FAM149A: variants seen among roughly 807,000 people sequenced by gnomAD.
The protein encoded by FAM149A is protein FAM149A.
A neutral mutation model predicts 78.2 loss-of-function variants in FAM149A; 71 were observed. That is an observed-to-expected ratio of 0.91 (90% CI 0.75 to 1.11). The LOEUF is 1.11. Ranked by LOEUF, FAM149A falls within the 50% of genes least tolerant of loss-of-function variation. The pLI, the probability that FAM149A is intolerant of heterozygous loss-of-function variation, is 0.00. For synonymous variants in FAM149A, 446 were observed against 410.5 expected (o/e 1.09, Z -1.04); for missense variants, 1,036 against 971.0 (o/e 1.07, Z -0.89).
At position 186,133,049 on chromosome 4, in the gene FAM149A, TA is replaced by T. The variant is rs943870137; in HGVS notation, c.567-16121del. On this transcript the variant is annotated intron_variant, in intron 1 of 13. Coordinates refer to ENST00000389354, the MANE Select transcript of FAM149A (RefSeq NM_001367768.3). Reference sequence around the variant, plus strand: ...ACTCAGCACTGCTTAGGAATGTGAGTAAAGGCTTCTGACTCAACACTGCCCC... The same window carrying T: ...ACTCAGCACTGCTTAGGAATGTGAGTAAGGCTTCTGACTCAACACTGCCCC... 8 of 985,198 alleles carry T rather than the reference TA, an allele frequency of 8.1e-6. No homozygotes were observed. In the African/African-American group the frequency reaches 1.4e-4, roughly 17 times the overall value. The allele number at this position is 985,198 out of a possible 1,614,324, so 61.0% of individuals were successfully genotyped here.
intron 1 of FAM149A, among the ~76,000 whole-genome samples, chr4:186,130,737 A>G (rs982445801): frequency 2.6e-5 from 4 of 152,130 alleles, no homozygotes; most frequent in African/African-American, 9.7e-5. Context: ...CAAACAATAC[A>G]GTAATTCCTC....
At position 186,173,006 on chromosome 4, in the gene FAM149A, A is replaced by T. The variant is rs1420350061; in HGVS notation, c.*1019A>T. 2.7e-5 allele frequency among the ~76,000 whole-genome samples: 3 copies of T among 111,856 alleles called. 1 individual carries two copies. The highest frequency in any genetic ancestry group is 8.8e-5 in the Admixed American group (1 of 11,388). 73.4% of individuals were successfully genotyped at this position (111,856 alleles called of 152,430 possible). On this transcript the variant is annotated 3_prime_UTR_variant, in exon 14 of 14. Transcript: ENST00000389354. ...CTCATTTTTACATTCTCAAATCTCA[A>T]ATCAGCTAATTTCCTCTTTTCTATC...
intron 1 of FAM149A, chr4:186,125,667 G>T (rs918502534): frequency 1.0e-6 from 1 of 974,160 alleles, no homozygotes; most frequent in Non-Finnish European, 1.2e-6. Flanking sequence ...TCAGCAGAGC[G>T]CTTGGCTGAA....
chr4:186,157,584 A>G lies in FAM149A; in HGVS notation c.1440A>G (p.Glu480=), dbSNP rs1734149219. The change falls in exon 8 of 14, where the codon GAA becomes GAG. Residue 480 remains glutamate, a synonymous_variant. Transcript: ENST00000389354. The stretch of plus-strand genomic sequence containing the variant: ...ACACAGAAGGGAAAAAACAGAGAGA[A>G]ACATTGAAAGTGGCTGGAAACAGAT... The G allele has an allele frequency of 6.2e-7, 1 of 1,614,212 alleles. No homozygotes were observed. Among genetic ancestry groups the G allele is most frequent in the Non-Finnish European group, 8.5e-7 (1 of 1,179,992 alleles).
intron 1 of FAM149A, chr4:186,110,396 T>C (rs2099310714): frequency 1.4e-6 from 1 of 709,930 alleles, no homozygotes; most frequent in Non-Finnish European, 1.7e-6. Flanking sequence ...TTACTTTCTT[T>C]TTTTTTTTTT....
At chr4:186,165,589 C>A in intron 11 of FAM149A, 125 bp downstream of exon 11, 2 of 882,934 alleles carry the variant, frequency 2.3e-6, no homozygotes, top group Non-Finnish European at 1.7e-6. Flanking sequence ...TATTCAAATG[C>A]CTTCATAATC....
At chr4:186,135,044 T>C (rs71624752) in intron 1 of FAM149A, among the ~76,000 whole-genome samples, 14,831 of 152,210 alleles carry the variant, frequency 0.097, 812 homozygotes, top group South Asian at 0.14. Context: ...CGTGGGATCC[T>C]GAGAAATCCA....
chr4:186,109,138 C>A lies in FAM149A; in HGVS notation c.566+3496C>A, dbSNP rs189962957. 1.9e-5 allele frequency: 19 copies of A among 984,808 alleles called. No individual in the cohort carries two copies. The African/African-American group carries it at 3.3e-4, about 17-fold the overall frequency. The allele number at this position is 984,808 out of a possible 1,614,324, so 61.0% of individuals were successfully genotyped here. ...CTGGGATTACAGGCTTGAGCCACCG[C>A]GCCCGGCCGGTCTTATTCTCTTATT... On this transcript the variant is annotated intron_variant, in intron 1 of 13. Transcript: ENST00000389354.
At chr4:186,154,352 T>C (rs1733859376) in intron 5 of FAM149A, 116 bp from the exon 6 acceptor site, 1 of 824,630 alleles carries the variant, frequency 1.2e-6, no homozygotes, top group African/African-American at 1.7e-5. Flanking sequence ...TTCAACCGTT[T>C]TGGGAGGGGG....
rs1179646968 is a variant in FAM149A at position 186,144,412 on chromosome 4, G to A, written c.567-4761G>A. ...TAGCGTTCCTGTTGATGGAGTAATG[G>A]TTCTCGCATTGACCAGATCCGGGGC... On this transcript the variant is annotated intron_variant, in intron 1 of 13. Coordinates refer to ENST00000389354, the MANE Select transcript of FAM149A (RefSeq NM_001367768.3). The surrounding 1 kb of genome is among the most constrained non-coding windows in gnomAD (Gnocchi z 4.2). 6.6e-6 allele frequency: 1 copy of A among 152,362 alleles called. No individual in the cohort carries two copies. Among genetic ancestry groups the A allele is most frequent in the Admixed American group, 6.5e-5 (1 of 15,294 alleles). The allele number at this position is 152,362 out of a possible 1,614,324, so 9.4% of individuals were successfully genotyped here.
chr4:186,138,725 G>T (rs147389879), intron 1 of FAM149A, among the ~76,000 whole-genome samples: 7 of 152,132 alleles, frequency 4.6e-5, no homozygotes, highest in African/African-American at 1.2e-4. Flanking sequence ...TATGGGTTTG[G>T]GGGGGAAGGC....
At chr4:186,109,843 A>C in intron 1 of FAM149A, 1 of 985,406 alleles carries the variant, frequency 1.0e-6, no homozygotes, top group Non-Finnish European at 1.2e-6. Flanking sequence ...AGAACAAATT[A>C]TAGTACATGC....
chr4:186,166,740 T>A (rs572285200), intron 11 of FAM149A, among the ~76,000 whole-genome samples: 16 of 145,830 alleles, frequency 1.1e-4, no homozygotes, highest in East Asian at 4.0e-4. Flanking sequence ...AGGTTTTTTT[T>A]ATCTCTCTTT....
chr4:186,129,228 G>A (rs538291508), intron 1 of FAM149A, among the ~76,000 whole-genome samples: 89 of 151,798 alleles, frequency 5.9e-4, no homozygotes, highest in African/African-American at 2.0e-3. Flanking sequence ...TGTGTGCTCC[G>A]AATACACTTC....
At chr4:186,120,629 TA>T (rs970232779) in intron 1 of FAM149A, among the ~76,000 whole-genome samples, 10 of 150,790 alleles carry the variant, frequency 6.6e-5, no homozygotes, top group Non-Finnish European at 8.9e-5. Context: ...CTGTCTCTAC[TA>T]AAAAAACACA....
intron 3 of FAM149A, 69 bp downstream of exon 3, chr4:186,149,773 C>G: frequency 9.1e-7 from 1 of 1,100,626 alleles, no homozygotes; most frequent in Non-Finnish European, 1.2e-6. Context: ...TCCTTATATT[C>G]AAAATTATTT....
intron 1 of FAM149A, among the ~76,000 whole-genome samples, chr4:186,111,512 G>T (rs1368258664): frequency 6.6e-6 from 1 of 151,940 alleles, no homozygotes; most frequent in African/African-American, 2.4e-5. Flanking sequence ...TTTCTTCTAG[G>T]GTTTTTATGG....
intron 1 of FAM149A, chr4:186,109,438 C>A: frequency 1.0e-6 from 1 of 972,642 alleles, no homozygotes; most frequent in Non-Finnish European, 1.2e-6. Flanking sequence ...ATCTCGATTC[C>A]TCTGACACTG....
Position 186,166,890 on chromosome 4 carries a change from T to C in FAM149A, c.2011-78T>C, listed in dbSNP as rs1057257082. The stretch of plus-strand genomic sequence containing the variant: ...AGTTTCCAAATAGATGAGTGAACGA[T>C]TGAGCATGTCGAGATTTTCTTTTGT... On this transcript the variant is annotated intron_variant, in intron 11 of 13. Coordinates refer to ENST00000389354, the MANE Select transcript of FAM149A (RefSeq NM_001367768.3). 47 of 1,442,270 alleles carry C rather than the reference T, an allele frequency of 3.3e-5. No individual in the cohort carries two copies. In the African/African-American group the frequency reaches 6.2e-4, roughly 19 times the overall value. 89.3% of individuals were successfully genotyped at this position (1,442,270 alleles called of 1,614,324 possible).
Sources: gnomAD v4.1 joint callset for allele counts (sites outside exome capture counted in the v4.1 genomes callset) on GRCh38, gnomAD v4.1.1 for gene constraint, Gnocchi (gnomAD v3.1) non-coding constraint, MANE v1.5 for transcripts, NCBI Gene and HGNC (gene_info 2026-07-23, HGNC 2026-07-21) for gene names.